Variants in ENAH observed in about 807,000 individuals in gnomAD.
ENAH encodes ENAH actin regulator.
Under a neutral mutation model 78.7 loss-of-function variants are expected in ENAH, and 23 were observed. That is an observed-to-expected ratio of 0.29 (90% confidence interval 0.21 to 0.41). ENAH has a LOEUF of 0.41. Ranked by LOEUF, ENAH falls within the 10% of genes least tolerant of loss-of-function variation. The pLI is 1.00. For missense variants in ENAH, 544 were observed against 691.0 expected, an observed-to-expected ratio of 0.79 and a Z score of 2.39; for synonymous variants, 226 against 241.0, an observed-to-expected ratio of 0.94 and a Z score of 0.58.
Position 225,522,543 on chromosome 1 carries a change from G to C in ENAH, c.435-2978C>G, listed in dbSNP as rs181056878. On this transcript the variant is annotated intron_variant, in intron 4 of 13. Transcript: ENST00000366843. Reference sequence around the variant, plus strand: ...ATCACTAGCTGCCAAAGTTTTTGAGGGATAACAATAACTTTATCTGCAGGG... The same window carrying C: ...ATCACTAGCTGCCAAAGTTTTTGAGCGATAACAATAACTTTATCTGCAGGG... Among the ~76,000 whole-genome samples the C allele has an allele frequency of 3.6e-4, 55 of 152,078 alleles. 1 individual carries two copies. Among genetic ancestry groups the C allele is most frequent in the Admixed American group, 3.0e-3 (46 of 15,268 alleles).
At chr1:225,520,914 AAGGGAGGAAGGGAGGGAGGGAGGG>A (rs1234743046) in intron 4 of ENAH, among the ~76,000 whole-genome samples, 71 of 91,012 alleles carry the variant, frequency 7.8e-4, no homozygotes, top group Middle Eastern at 7.8e-3. Flanking sequence ...GAAGGGAAGG[AAGGGAGGAAGGGAGGGAGGGAGGG>A]AGGGAGGGAG....
intron 1 of ENAH, among the ~76,000 whole-genome samples, chr1:225,599,876 A>G (rs112056178): frequency 0.012 from 1,695 of 141,664 alleles, 26 homozygotes; most frequent in African/African-American, 0.042. Flanking sequence ...ATCATGGGGG[A>G]GGAGGATCCC....
At chr1:225,515,061 A>C in intron 6 of ENAH, 161 bp from the exon 7 acceptor site, 2 of 679,962 alleles carry the variant, frequency 2.9e-6, no homozygotes, top group Non-Finnish European at 2.6e-6. Context: ...TCAGTTTTTG[A>C]AAGATACTGA....
chr1:225,625,320 A>G (rs541466636), intron 1 of ENAH, among the ~76,000 whole-genome samples: 2 of 152,332 alleles, frequency 1.3e-5, no homozygotes, highest in East Asian at 3.9e-4. Flanking sequence ...GCAGACAAAA[A>G]TAATTTTTAA....
intron 1 of ENAH, among the ~76,000 whole-genome samples, chr1:225,629,294 G>A (rs970385047): frequency 2.6e-5 from 4 of 151,188 alleles, no homozygotes; most frequent in African/African-American, 7.3e-5. Context: ...AAGAAAAGAA[G>A]GCAGGGAAAG....
intron 11 of ENAH, among the ~76,000 whole-genome samples, chr1:225,501,463 T>C (rs1268295126): frequency 6.6e-6 from 1 of 152,196 alleles, no homozygotes; most frequent in Non-Finnish European, 1.5e-5. Flanking sequence ...TTTTACATTA[T>C]CTACTTAAAT....
chr1:225,596,419 T>C lies in ENAH; in HGVS notation c.6-29005A>G, dbSNP rs2096902219. 2.0e-5 allele frequency among the ~76,000 whole-genome samples: 3 copies of C among 152,106 alleles called. No individual in the cohort carries two copies. In the South Asian group the frequency reaches 6.2e-4, roughly 31 times the overall value. On this transcript the variant is annotated intron_variant, in intron 1 of 13. Coordinates refer to ENST00000366843, the MANE Select transcript of ENAH (RefSeq NM_018212.6). ...CCCTCTCTGGTTTTCAATGTCCTGA[T>C]CTCTTAAACAAAAAGGTTCCTGAAA...
chr1:225,622,651 T>C (rs1455457099), intron 1 of ENAH, among the ~76,000 whole-genome samples: 1 of 152,136 alleles, frequency 6.6e-6, no homozygotes, highest in Non-Finnish European at 1.5e-5. Flanking sequence ...TTTGTCCTCA[T>C]ATGGCAGAAG....
intron 1 of ENAH, among the ~76,000 whole-genome samples, chr1:225,629,286 G>A (rs2840966): frequency 0.67 from 100,488 of 151,028 alleles, 33,576 homozygotes; most frequent in South Asian, 0.76. Context: ...TCGGAAGAAA[G>A]AAAAGAAGGC....
intron 1 of ENAH, among the ~76,000 whole-genome samples, chr1:225,633,428 G>A (rs1353037042): frequency 6.6e-6 from 1 of 152,034 alleles, no homozygotes; most frequent in Non-Finnish European, 1.5e-5. Context: ...TCCAACATGA[G>A]ACTTGAGACA....
intron 1 of ENAH, among the ~76,000 whole-genome samples, chr1:225,593,400 T>TGTGG (rs1558873889): frequency 4.9e-4 from 10 of 20,454 alleles, no homozygotes; most frequent in African/African-American, 8.6e-4. Flanking sequence ...TGTGTGTGTG[T>TGTGG]GGGGGGGGGG....
rs766569881 is a variant in ENAH at position 225,512,627 on chromosome 1, A to G, written c.1422+30T>C. The G allele has an allele frequency of 4.5e-5, 72 of 1,589,130 alleles. No individual in the cohort carries two copies. In the South Asian group the frequency reaches 8.1e-4, roughly 18 times the overall value. On this transcript the variant is annotated intron_variant, in intron 9 of 13. Coordinates refer to ENST00000366843, the MANE Select transcript of ENAH (RefSeq NM_018212.6). ...AGCTGTGCCTGAATTCCATATTTTA[A>G]GGTATGGTAGACTATCTTTATTAAC...
At chr1:225,651,691 T>A (rs1350013040) in intron 1 of ENAH, among the ~76,000 whole-genome samples, 1 of 152,124 alleles carries the variant, frequency 6.6e-6, no homozygotes, top group African/African-American at 2.4e-5. Flanking sequence ...TAACGCAGAA[T>A]GGATCAGCCT....
At chr1:225,510,822 G>A (rs1200026547) in intron 10 of ENAH, among the ~76,000 whole-genome samples, 2 of 151,792 alleles carry the variant, frequency 1.3e-5, no homozygotes, top group Non-Finnish European at 2.9e-5. Context: ...GACCAGCCTG[G>A]GCAACATGGT....
chr1:225,621,588 G>A (rs770069582), intron 1 of ENAH, among the ~76,000 whole-genome samples: 15 of 151,864 alleles, frequency 9.9e-5, no homozygotes, highest in Non-Finnish European at 2.1e-4. Context: ...CACCGCGCCC[G>A]GCCTAAATCT....
At chr1:225,562,571 CAAAAAAAAAAAAAAAAAAAA>C (rs869309795) in intron 2 of ENAH, among the ~76,000 whole-genome samples, 1 of 38,076 alleles carries the variant, frequency 2.6e-5, no homozygotes, top group Non-Finnish European at 4.5e-5. Flanking sequence ...GACTGCGTCT[CAAAAAAAAAAAAAAAAAAAA>C]AAAAAAAAAA....
At chr1:225,579,390 T>G (rs1318934615) in intron 1 of ENAH, among the ~76,000 whole-genome samples, 1 of 152,232 alleles carries the variant, frequency 6.6e-6, no homozygotes, top group East Asian at 1.9e-4. Flanking sequence ...AAGGTTTCAT[T>G]ACTGAAGATA....
intron 1 of ENAH, among the ~76,000 whole-genome samples, chr1:225,632,986 G>A (rs564832448): frequency 1.3e-5 from 2 of 151,996 alleles, no homozygotes; most frequent in South Asian, 4.2e-4. Context: ...AAGACATAAT[G>A]TACAGGAAGT....
chr1:225,569,406 A>G (rs1415576662), intron 1 of ENAH, among the ~76,000 whole-genome samples: 4 of 152,214 alleles, frequency 2.6e-5, no homozygotes, highest in African/African-American at 9.6e-5. Context: ...GCAAACCAAC[A>G]TGGCACACGT....
Sources: allele counts gnomAD v4.1 joint callset (sites outside exome capture counted in the v4.1 genomes callset), GRCh38; gene constraint gnomAD v4.1.1; transcripts MANE v1.5; gene names NCBI Gene and HGNC (gene_info 2026-07-23, HGNC 2026-07-21).